Variants in PPIP5K2 observed in about 807,000 individuals in gnomAD.
PPIP5K2 encodes diphosphoinositol pentakisphosphate kinase 2, also known as inositol hexakisphosphate and diphosphoinositol-pentakisphosphate kinase 2.
Under a neutral mutation model 154.6 loss-of-function variants are expected in PPIP5K2, and 105 were observed. That is an observed-to-expected ratio of 0.68 (90% confidence interval 0.58 to 0.80). The LOEUF (loss-of-function observed/expected upper bound fraction) is 0.80, where lower values mean the gene tolerates loss of function less well. PPIP5K2 is among the 30% of genes least tolerant of loss of function. PPIP5K2 has a pLI of 0.00. For synonymous variants in PPIP5K2, 480 were observed against 490.3 expected (o/e 0.98, Z 0.28); for missense variants, 992 against 1,504.6 (o/e 0.66, Z 5.64).
rs782430059 is a variant in PPIP5K2, at chr5:103,194,905, ACAGCTTTACGTTC to A, written c.3503_3515del (p.Ala1168ValfsTer3). ...GTTTGTTTATTTTTTTTCAGCCTCT[ACAGCTTTACGTTC>A]CAGTCCAATAATGAGAAAAAAAGTA... is the stretch of plus-strand genomic sequence containing the variant. On this transcript the variant is annotated frameshift_variant, in exon 30 of 31. Coordinates refer to ENST00000358359, the MANE Select transcript of PPIP5K2 (RefSeq NM_001276277.3). LOFTEE classifies it high-confidence loss of function. 9 of 1,611,486 alleles carry A rather than the reference ACAGCTTTACGTTC, an allele frequency of 5.6e-6. No individual in the cohort carries two copies. The African/African-American group carries it at 1.2e-4, about 22-fold the overall frequency.
rs189028723 is a variant in PPIP5K2, at chr5:103,158,614, C to T, written c.1737+41C>T. ...TTTTAGAATTATTAGAGTTTTTAAT[C>T]TAATATTGTATCTTAAAACATTTTT... On this transcript the variant is annotated intron_variant, in intron 16 of 30. Transcript: ENST00000358359. 9,691 of 1,494,424 alleles carry T rather than the reference C, an allele frequency of 6.5e-3. 33 individuals are homozygous for T. The highest frequency in any genetic ancestry group is 8.1e-3 in the Non-Finnish European group (8,984 of 1,115,722). 92.6% of individuals were successfully genotyped at this position (1,494,424 alleles called of 1,614,324 possible).
chr5:103,162,418 A>G (rs1796435746), intron 17 of PPIP5K2, among the ~76,000 whole-genome samples: 1 of 149,506 alleles, frequency 6.7e-6, no homozygotes, highest in African/African-American at 2.5e-5. Flanking sequence ...GCGGGAGTGC[A>G]GTGGTGTGAT....
intron 29 of PPIP5K2, among the ~76,000 whole-genome samples, chr5:103,194,190 CAG>C (rs1554227741): frequency 1.3e-5 from 2 of 151,768 alleles, no homozygotes; most frequent in Admixed American, 6.6e-5. Context: ...CCCCCCGAGA[CAG>C]AGTCTTGCTC....
intron 21 of PPIP5K2, among the ~76,000 whole-genome samples, chr5:103,177,152 CATA>C (rs1798849943): frequency 6.6e-6 from 1 of 151,552 alleles, no homozygotes; most frequent in Non-Finnish European, 1.5e-5. Flanking sequence ...TAGTGTTTGT[CATA>C]TTTCAAGAAA....
chr5:103,194,385 G>A (rs1801729089), intron 29 of PPIP5K2, among the ~76,000 whole-genome samples: 1 of 152,092 alleles, frequency 6.6e-6, no homozygotes, highest in South Asian at 2.1e-4. Flanking sequence ...AACTCCTGGG[G>A]TCAAGCGATC....
chr5:103,154,589 A>G (rs1554212419), intron 11 of PPIP5K2, 81 bp from the exon 12 acceptor site: 2 of 845,146 alleles, frequency 2.4e-6, no homozygotes, highest in East Asian at 5.4e-5. Flanking sequence ...ATAGCTTATC[A>G]TTTATTATTT....
chr5:103,177,085 A>G (rs1460299446), intron 21 of PPIP5K2, among the ~76,000 whole-genome samples: 2 of 151,956 alleles, frequency 1.3e-5, no homozygotes, highest in African/African-American at 4.8e-5. Flanking sequence ...ATGATACTAT[A>G]CTAGGTACTT....
chr5:103,130,324 A>G (rs1220494933), intron 2 of PPIP5K2, among the ~76,000 whole-genome samples: 1 of 152,152 alleles, frequency 6.6e-6, no homozygotes, highest in Non-Finnish European at 1.5e-5. Context: ...CATTAGACCA[A>G]TATTTTTCTT....
intron 26 of PPIP5K2, 142 bp downstream of exon 26, chr5:103,184,886 T>A (rs1162125420): frequency 5.3e-6 from 3 of 570,178 alleles, no homozygotes; most frequent in Non-Finnish European, 9.1e-6. Flanking sequence ...AATGTTGAGT[T>A]GTATAACTCA....
chr5:103,136,795 T>G lies in PPIP5K2; in HGVS notation c.374T>G (p.Leu125Trp). Reference protein sequence around the residue: ...KLRNPFVINDLNMQYLIQDRR... With the variant: ...KLRNPFVINDWNMQYLIQDRR... Reference sequence around the variant, plus strand: ...AGGAATCCATTTGTAATCAATGACTTGAATATGCAGTATCTCATACAAGAT... The same window carrying G: ...AGGAATCCATTTGTAATCAATGACTGGAATATGCAGTATCTCATACAAGAT... The change falls in exon 4 of 31, where the codon TTG becomes TGG. Residue 125 changes from leucine (L) to tryptophan (W), a missense_variant. Physicochemically the swap from Leu to Trp is moderately conservative, Grantham distance 61 (BLOSUM62 -2). Coordinates refer to ENST00000358359, the MANE Select transcript of PPIP5K2 (RefSeq NM_001276277.3). 6.2e-7 allele frequency: 1 copy of G among 1,613,580 alleles called. No homozygotes were observed. Among genetic ancestry groups the G allele is most frequent in the Non-Finnish European group, 8.5e-7 (1 of 1,179,602 alleles).
intron 23 of PPIP5K2, among the ~76,000 whole-genome samples, chr5:103,178,346 C>T (rs1250513124): frequency 6.6e-6 from 1 of 151,838 alleles, no homozygotes; most frequent in African/African-American, 2.4e-5. Flanking sequence ...AGAGTTCATA[C>T]TTTTTCTGCC....
chr5:103,175,084 G>A (rs782147871), intron 21 of PPIP5K2, among the ~76,000 whole-genome samples: 2 of 152,120 alleles, frequency 1.3e-5, no homozygotes, highest in African/African-American at 2.4e-5. Context: ...ATTGGTATAC[G>A]CATCTGTGCA....
At chr5:103,194,517 A>G (rs72768666) in intron 29 of PPIP5K2, among the ~76,000 whole-genome samples, 1 of 152,270 alleles carries the variant, frequency 6.6e-6, no homozygotes, top group Non-Finnish European at 1.5e-5. Flanking sequence ...CTGTAATTCC[A>G]GCATGAAACA....
At chr5:103,189,258 A>G (rs1554226149) in intron 28 of PPIP5K2, 1 of 1,471,222 alleles carries the variant, frequency 6.8e-7, no homozygotes, top group Non-Finnish European at 9.2e-7. Flanking sequence ...ACATGTCAGC[A>G]GGGTGGCTTT....
At chr5:103,191,037 T>C (rs539838425) in intron 29 of PPIP5K2, 55 bp downstream of exon 29, 18 of 1,512,122 alleles carry the variant, frequency 1.2e-5, no homozygotes, top group Middle Eastern at 1.7e-4. Context: ...CTACATACTA[T>C]CTGAGTATAA....
At chr5:103,187,249 C>G in intron 27 of PPIP5K2, 65 bp from the exon 28 acceptor site, 1 of 1,275,390 alleles carries the variant, frequency 7.8e-7, no homozygotes, top group African/African-American at 1.5e-5. Flanking sequence ...TTTTTCCCCT[C>G]TTTCTTTTAA....
chr5:103,180,430 G>C (rs1169557434), intron 24 of PPIP5K2, among the ~76,000 whole-genome samples: 1 of 151,838 alleles, frequency 6.6e-6, no homozygotes, highest in African/African-American at 2.4e-5. Flanking sequence ...AAAATAAGCT[G>C]TTTCTAGGAA....
At chr5:103,185,055 T>A (rs1363293231) in intron 26 of PPIP5K2, among the ~76,000 whole-genome samples, 2 of 152,182 alleles carry the variant, frequency 1.3e-5, no homozygotes, top group Admixed American at 1.3e-4. Context: ...ATTTTCCCAG[T>A]TGATAAAGAT....
At chr5:103,178,743 A>C (rs1413445722) in intron 23 of PPIP5K2, among the ~76,000 whole-genome samples, 11 of 151,684 alleles carry the variant, frequency 7.3e-5, no homozygotes, top group Admixed American at 6.6e-4. Context: ...TTATTTAACT[A>C]TACTTTATAT....
Sources: allele counts gnomAD v4.1 joint callset (sites outside exome capture counted in the v4.1 genomes callset), GRCh38; gene constraint gnomAD v4.1.1; transcripts MANE v1.5; gene names NCBI Gene and HGNC (gene_info 2026-07-23, HGNC 2026-07-21).